SARDH: variants seen among roughly 807,000 people sequenced by gnomAD.
The protein encoded by SARDH is sarcosine dehydrogenase.
In SARDH, 95 loss-of-function variants were observed where a neutral mutation model predicts 109.1. That is an observed-to-expected ratio of 0.87 (90% CI 0.74 to 1.03). The LOEUF (loss-of-function observed/expected upper bound fraction) is 1.03, where lower values mean the gene tolerates loss of function less well. SARDH is among the 50% of genes least tolerant of loss of function. The pLI, the probability that SARDH is intolerant of heterozygous loss-of-function variation, is 0.00. For synonymous variants in SARDH, 572 were observed against 534.8 expected (o/e 1.07, Z -0.96); for missense variants, 1,267 against 1,287.8 (o/e 0.98, Z 0.25).
At chr9:133,700,389 C>T (rs1831437830) in intron 13 of SARDH, among the ~76,000 whole-genome samples, 1 of 151,890 alleles carries the variant, frequency 6.6e-6, no homozygotes, top group African/African-American at 2.4e-5. Flanking sequence ...AGTGCTGACA[C>T]ACACACTACG....
intron 13 of SARDH, among the ~76,000 whole-genome samples, chr9:133,697,524 C>T (rs547557056): frequency 5.3e-5 from 8 of 152,240 alleles, no homozygotes; most frequent in Admixed American, 1.3e-4. Flanking sequence ...AAATCCTCAA[C>T]AAAATACTAG....
chr9:133,702,807 G>A (rs1161326377), intron 13 of SARDH, 109 bp downstream of exon 13: 2 of 897,868 alleles, frequency 2.2e-6, no homozygotes, highest in African/African-American at 3.3e-5. Context: ...AGCCCGAAGA[G>A]ACTCCTGGGG....
intron 2 of SARDH, among the ~76,000 whole-genome samples, chr9:133,732,955 T>C (rs973381579): frequency 6.6e-6 from 1 of 152,132 alleles, no homozygotes; most frequent in African/African-American, 2.4e-5. Flanking sequence ...GTGGCCAAGA[T>C]CACAGAGCAG....
Position 133,704,715 on chromosome 9 carries a change from C to T in SARDH, c.1554+233G>A, listed in dbSNP as rs548569853. ...CCATGGAAGGCCTGGCCACAGCGGA[C>T]GGGTAGTGGGGAGGACGAGGAGTGG... On this transcript the variant is annotated intron_variant, in intron 12 of 20. Transcript: ENST00000439388. This position sits in a 1 kb window ranked among gnomAD's most constrained non-coding sequence, Gnocchi z 4.5. 2.8e-4 allele frequency among the ~76,000 whole-genome samples: 42 copies of T among 152,286 alleles called. No homozygotes were observed. Among genetic ancestry groups the T allele is most frequent in the African/African-American group, 8.2e-4 (34 of 41,564 alleles).
rs561712945 is a variant in SARDH, at chr9:133,712,567, G to A, written c.1328+52C>T. ...CAGTAGCCCTCGCTGTTTACCCCACGCCACCTGTCCTGAGTGGCGGGCCCT... is the reference window on the plus strand; with the variant it reads ...CAGTAGCCCTCGCTGTTTACCCCACACCACCTGTCCTGAGTGGCGGGCCCT... On this transcript the variant is annotated intron_variant, in intron 10 of 20. Coordinates refer to ENST00000439388, the MANE Select transcript of SARDH (RefSeq NM_001134707.2). This position sits in a 1 kb window ranked among gnomAD's most constrained non-coding sequence, Gnocchi z 4.1. 37 of 1,513,172 alleles carry A rather than the reference G, an allele frequency of 2.4e-5. No homozygotes were observed. Among genetic ancestry groups the A allele is most frequent in the Middle Eastern group, 1.7e-4 (1 of 5,888 alleles). 93.7% of individuals were successfully genotyped at this position (1,513,172 alleles called of 1,614,324 possible).
At position 133,702,964 on chromosome 9, in the gene SARDH, C is replaced by G. The variant is rs770519833; in HGVS notation, c.1620G>C (p.Arg540Ser). 1.1e-5 allele frequency: 18 copies of G among 1,613,304 alleles called. No individual in the cohort carries two copies. The South Asian group carries it at 2.0e-4, about 18-fold the overall frequency. The change falls in exon 13 of 21, where the codon AGG becomes AGC. Residue 540 changes from arginine (R) to serine (S), a missense_variant. Physicochemically the swap from Arg to Ser is moderately radical, Grantham distance 110 (BLOSUM62 -1). Transcript: ENST00000439388. ...SRAHEDYAYR[R>S]LLADEYTFAF... ...CGAAGGTGTACTCGTCTGCCAGCAG[C>G]CTGCGGTAGGCGTAGTCCTCGTGCG...
chr9:133,696,490 G>A lies in SARDH; in HGVS notation c.1669-129C>T, dbSNP rs529078612. 2.9e-4 allele frequency: 335 copies of A among 1,151,990 alleles called. No homozygotes were observed. In the Middle Eastern group the frequency reaches 4.0e-3, roughly 14 times the overall value. 71.4% of individuals were successfully genotyped at this position (1,151,990 alleles called of 1,614,324 possible). ...GCCTCCCCTCCCTCTCTTCCAGCCCGCACCAAGCCCTTCTCAGCTCAGGTG... is the reference window on the plus strand; with the variant it reads ...GCCTCCCCTCCCTCTCTTCCAGCCCACACCAAGCCCTTCTCAGCTCAGGTG... On this transcript the variant is annotated intron_variant, in intron 13 of 20. Coordinates refer to ENST00000439388, the MANE Select transcript of SARDH (RefSeq NM_001134707.2).
intron 17 of SARDH, among the ~76,000 whole-genome samples, chr9:133,684,087 T>G (rs1468261454): frequency 6.6e-6 from 1 of 152,244 alleles, no homozygotes; most frequent in Non-Finnish European, 1.5e-5. Flanking sequence ...CGGCCCCCGC[T>G]GCCACTACAT....
At chr9:133,662,107 G>A (rs1829901721), downstream of SARDH, among the ~76,000 whole-genome samples, 1 of 152,040 alleles carries the variant, frequency 6.6e-6, no homozygotes, top group African/African-American at 2.4e-5. The surrounding 1 kb of genome is among the most constrained non-coding windows in gnomAD (Gnocchi z 5.1). Context: ...GAGGGGCCAG[G>A]TTCTCTCTCC....
rs1588423887 is a variant in SARDH at position 133,702,940 on chromosome 9, G to A, written c.1644C>T (p.Phe548=). 6.2e-7 allele frequency: 1 copy of A among 1,612,718 alleles called. No individual in the cohort carries two copies. The highest frequency in any genetic ancestry group is 1.1e-5 in the South Asian group (1 of 91,046). The change falls in exon 13 of 21, where the codon TTC becomes TTT. Residue 548 remains phenylalanine, a synonymous_variant. Coordinates refer to ENST00000439388, the MANE Select transcript of SARDH (RefSeq NM_001134707.2). ...CCGTGTCGTGGTGGGGCGGGAAGGC[G>A]AAGGTGTACTCGTCTGCCAGCAGCC... ...YRRLLADEYT[F]AFPPHHDTIK...
chr9:133,678,416 G>A (rs1335573563), intron 17 of SARDH, among the ~76,000 whole-genome samples: 1 of 152,166 alleles, frequency 6.6e-6, no homozygotes, highest in Non-Finnish European at 1.5e-5. Context: ...AGTCACAGAA[G>A]CCAGAATTCC....
At chr9:133,729,196 G>A (rs768486246) in intron 6 of SARDH, among the ~76,000 whole-genome samples, 56 of 152,060 alleles carry the variant, frequency 3.7e-4, no homozygotes, top group Non-Finnish European at 6.9e-4. Context: ...CGGATGGAAA[G>A]AGGGGGGTCA....
intron 17 of SARDH, among the ~76,000 whole-genome samples, chr9:133,684,710 G>T (rs7027605): frequency 0.13 from 20,363 of 152,170 alleles, 4,155 homozygotes; most frequent in African/African-American, 0.44. Flanking sequence ...GTGGGGTGCT[G>T]TTTGGGGACT....
intron 17 of SARDH, among the ~76,000 whole-genome samples, chr9:133,683,328 G>C (rs957665370): frequency 6.6e-6 from 1 of 152,220 alleles, no homozygotes; most frequent in South Asian, 2.1e-4. Context: ...GAGGGGACGT[G>C]TTCCCACCTG....
In SARDH at chr9:133,666,860, T is replaced by C. The variant is rs1830086525; in HGVS notation, c.2506A>G (p.Met836Val). Reference protein sequence around the residue: ...VCFTMEDKVPMFGLEAIWRNG... With the variant: ...VCFTMEDKVPVFGLEAIWRNG... ...CTCCAGATGGCCTCCAGGCCAAACATGGGTACTTTGCTGGAAGAAGCAGTA... is the reference window on the plus strand; with the variant it reads ...CTCCAGATGGCCTCCAGGCCAAACACGGGTACTTTGCTGGAAGAAGCAGTA... The change falls in exon 20 of 21, where the codon ATG becomes GTG. Residue 836 changes from methionine (M) to valine (V), a missense_variant. Met to Val is a conservative substitution (Grantham distance 21). Transcript: ENST00000439388. This position sits in a 1 kb window ranked among gnomAD's most constrained non-coding sequence, Gnocchi z 5.2. 1.9e-6 allele frequency: 3 copies of C among 1,612,562 alleles called. No homozygotes were observed. The highest frequency in any genetic ancestry group is 1.3e-5 in the African/African-American group (1 of 75,030).
Position 133,710,858 on chromosome 9 carries a change from G to A in SARDH, c.1328+1761C>T, listed in dbSNP as rs183567312. Among the ~76,000 whole-genome samples the A allele has an allele frequency of 2.6e-4, 39 of 152,344 alleles. 1 individual carries two copies. The East Asian group carries it at 5.8e-3, about 23-fold the overall frequency. ...CGTCAGTGACGGCTGGGCTGAGGAC[G>A]GCATTAGCCTGTGTGCCCTGGGTGC... On this transcript the variant is annotated intron_variant, in intron 10 of 20. Transcript: ENST00000439388.
rs1564225419 is a variant in SARDH at position 133,666,948 on chromosome 9, T to TG, written c.2496-79dup. The stretch of plus-strand genomic sequence containing the variant: ...GCGTCCACAGCGGCCTGGAGGAGAA[T>TG]GGGGGGCTGCATGATGCACACCCAA... On this transcript the variant is annotated intron_variant, in intron 19 of 20. Coordinates refer to ENST00000439388, the MANE Select transcript of SARDH (RefSeq NM_001134707.2). This position sits in a 1 kb window ranked among gnomAD's most constrained non-coding sequence, Gnocchi z 5.2. 3.2e-6 allele frequency: 5 copies of TG among 1,570,324 alleles called. No individual in the cohort carries two copies. Among genetic ancestry groups the TG allele is most frequent in the Non-Finnish European group, 1.7e-6 (2 of 1,154,612 alleles).
At chr9:133,671,364 A>T (rs1830340159) in intron 18 of SARDH, among the ~76,000 whole-genome samples, 171 bp downstream of exon 18, 1 of 152,036 alleles carries the variant, frequency 6.6e-6, no homozygotes, top group Admixed American at 6.5e-5. Flanking sequence ...TTTTGGGGAA[A>T]TGGAGGATGT....
At chr9:133,668,302 T>TCCCCTCA (rs1306501372) in intron 19 of SARDH, among the ~76,000 whole-genome samples, 19 of 77,302 alleles carry the variant, frequency 2.5e-4, no homozygotes, top group African/African-American at 9.0e-4. Context: ...TCCCTCCCTC[T>TCCCCTCA]CCCTCCCTCT....
Sources: allele counts gnomAD v4.1 joint callset (sites outside exome capture counted in the v4.1 genomes callset), GRCh38; gene constraint gnomAD v4.1.1; non-coding constraint Gnocchi (gnomAD v3.1); transcripts MANE v1.5; gene names NCBI Gene and HGNC (gene_info 2026-07-23, HGNC 2026-07-21).